The following ZBTB7C variants were observed in gnomAD, a reference collection of about 807,000 sequenced individuals.
ZBTB7C encodes zinc finger and BTB domain containing 7C.
ZBTB7C carries 8 observed loss-of-function variants against 25.7 expected under a neutral mutation model. The ratio of observed to expected loss-of-function variants is 0.31; its 90% CI spans 0.18 to 0.56. The LOEUF (loss-of-function observed/expected upper bound fraction) is 0.56. Among genes scored for constraint, ZBTB7C ranks in the 20% least tolerant of loss-of-function variants. ZBTB7C has a pLI of 0.91. For missense variants in ZBTB7C, 824 were observed against 855.2 expected, an observed-to-expected ratio of 0.96 and a Z score of 0.46; for synonymous variants, 394 against 369.0, an observed-to-expected ratio of 1.07 and a Z score of -0.78.
At chr18:48,336,650 C>T (rs1471830622) in intron 2 of ZBTB7C, among the ~76,000 whole-genome samples, 2 of 152,196 alleles carry the variant, frequency 1.3e-5, no homozygotes, top group African/African-American at 4.8e-5. Flanking sequence ...TTGACAGACC[C>T]AGTCCCTGGC....
At chr18:48,342,975 G>C (rs1414729359) in intron 1 of ZBTB7C, among the ~76,000 whole-genome samples, 1 of 152,044 alleles carries the variant, frequency 6.6e-6, no homozygotes, top group African/African-American at 2.4e-5. Flanking sequence ...TTAGTGACCC[G>C]ACAGTACCTG....
intron 2 of ZBTB7C, among the ~76,000 whole-genome samples, chr18:48,190,970 G>A (rs2042179842): frequency 6.6e-6 from 1 of 152,156 alleles, no homozygotes. Context: ...AGTCTCTTTT[G>A]GGGAAAACAA....
At chr18:48,115,073 C>T (rs898458703) in intron 3 of ZBTB7C, among the ~76,000 whole-genome samples, 8 of 152,110 alleles carry the variant, frequency 5.3e-5, no homozygotes, top group African/African-American at 1.9e-4. Flanking sequence ...CAATAATTCC[C>T]CCATTTCCCT....
In ZBTB7C at chr18:48,289,762, G is replaced by A. The variant is rs145219283; in HGVS notation, c.-79+48412C>T. On this transcript the variant is annotated intron_variant, in intron 2 of 4. Transcript: ENST00000590800. ...ACATGGACCTTTGGGTCCTATATGC[G>A]CCCAGGTACATGTCTGAGCATAGAA... 2.6e-4 allele frequency among the ~76,000 whole-genome samples: 39 copies of A among 152,022 alleles called. No individual in the cohort carries two copies. The East Asian group carries it at 5.6e-3, about 22-fold the overall frequency.
At chr18:48,290,624 A>C (rs1598793957) in intron 2 of ZBTB7C, among the ~76,000 whole-genome samples, 1 of 152,328 alleles carries the variant, frequency 6.6e-6, no homozygotes, top group South Asian at 2.1e-4. Context: ...CTGGGCAGAC[A>C]ACAGGATCTA....
chr18:48,392,330 T>C (rs1229096576), intron 1 of ZBTB7C, among the ~76,000 whole-genome samples: 1 of 152,216 alleles, frequency 6.6e-6, no homozygotes, highest in East Asian at 1.9e-4. Flanking sequence ...TGTCCCAAAA[T>C]ACAGTTTTTC....
intron 3 of ZBTB7C, among the ~76,000 whole-genome samples, chr18:48,062,142 T>C (rs1255780812): frequency 2.0e-5 from 3 of 152,210 alleles, no homozygotes; most frequent in African/African-American, 7.2e-5. Context: ...TAAAAAGGAT[T>C]TCCTCTGAAA....
chr18:48,312,532 T>C (rs1374963565), intron 2 of ZBTB7C, among the ~76,000 whole-genome samples: 1 of 152,220 alleles, frequency 6.6e-6, no homozygotes, highest in Non-Finnish European at 1.5e-5. Flanking sequence ...TGGAGTCAGA[T>C]TGCCTGGGTT....
intron 1 of ZBTB7C, among the ~76,000 whole-genome samples, chr18:48,354,568 A>G (rs1376668884): frequency 1.3e-5 from 2 of 152,190 alleles, no homozygotes; most frequent in African/African-American, 4.8e-5. Context: ...AGGGGCATCA[A>G]GGTAACATCC....
chr18:48,311,232 C>CGTGGT (rs1435088203), intron 2 of ZBTB7C, among the ~76,000 whole-genome samples: 12 of 152,288 alleles, frequency 7.9e-5, no homozygotes, highest in African/African-American at 2.9e-4. Flanking sequence ...CCTGCCTGCC[C>CGTGGT]GTGGTGGGAG....
chr18:48,293,506 C>CAAA (rs2045295940), intron 2 of ZBTB7C, among the ~76,000 whole-genome samples: 2 of 152,186 alleles, frequency 1.3e-5, no homozygotes, highest in South Asian at 4.1e-4. Flanking sequence ...TGCAGCATCT[C>CAAA]CCACCCAATT....
At chr18:48,297,939 T>C (rs995040850) in intron 2 of ZBTB7C, among the ~76,000 whole-genome samples, 1 of 152,148 alleles carries the variant, frequency 6.6e-6, no homozygotes, top group Non-Finnish European at 1.5e-5. Flanking sequence ...AAATGCAAAC[T>C]CCACCTCTTG....
At chr18:48,339,509 A>G (rs1340742504) in intron 1 of ZBTB7C, among the ~76,000 whole-genome samples, 1 of 152,224 alleles carries the variant, frequency 6.6e-6, no homozygotes, top group African/African-American at 2.4e-5. Context: ...GGGTGTTTGA[A>G]AGACTAGGAA....
intron 3 of ZBTB7C, among the ~76,000 whole-genome samples, chr18:48,135,620 T>C (rs1028284396): frequency 3.3e-5 from 5 of 152,092 alleles, no homozygotes; most frequent in African/African-American, 9.7e-5. Flanking sequence ...TCCTGGAGTT[T>C]CACCCAGCGG....
At chr18:48,274,622 C>T (rs572606715) in intron 2 of ZBTB7C, among the ~76,000 whole-genome samples, 2 of 152,334 alleles carry the variant, frequency 1.3e-5, no homozygotes, top group East Asian at 1.9e-4. Context: ...GAAGTCACAC[C>T]TGACTCATCC....
intron 2 of ZBTB7C, among the ~76,000 whole-genome samples, chr18:48,299,475 G>C (rs996012468): frequency 6.6e-6 from 1 of 152,208 alleles, no homozygotes; most frequent in Non-Finnish European, 1.5e-5. Flanking sequence ...AAAATGAGGG[G>C]AAGTAACAAA....
chr18:48,370,208 C>G (rs182961352), intron 1 of ZBTB7C, among the ~76,000 whole-genome samples: 1 of 152,024 alleles, frequency 6.6e-6, no homozygotes, highest in African/African-American at 2.4e-5. Flanking sequence ...AACTGTGGCA[C>G]CTACATACCA....
intron 2 of ZBTB7C, among the ~76,000 whole-genome samples, chr18:48,312,886 G>A (rs528922445): frequency 5.7e-4 from 87 of 152,338 alleles, no homozygotes; most frequent in African/African-American, 1.9e-3. Context: ...GCTCTTCCAC[G>A]ATGCTACGGG....
At chr18:48,032,261 G>C (rs1276102850) in intron 4 of ZBTB7C, among the ~76,000 whole-genome samples, 1 of 150,300 alleles carries the variant, frequency 6.7e-6, no homozygotes, top group Non-Finnish European at 1.5e-5. Context: ...TTACAGGCAT[G>C]CACCACCACG....
Sources: gnomAD v4.1 joint callset for allele counts (sites outside exome capture counted in the v4.1 genomes callset) on GRCh38, gnomAD v4.1.1 for gene constraint, MANE v1.5 for transcripts, NCBI Gene and HGNC (gene_info 2026-07-23, HGNC 2026-07-21) for gene names.